Variants in ZSWIM6 observed in about 807,000 individuals in gnomAD.
The protein encoded by ZSWIM6 is zinc finger SWIM-type containing 6.
In ZSWIM6, 9 loss-of-function variants were observed where a neutral mutation model predicts 113.2. The ratio of observed to expected loss-of-function variants is 0.08; its 90% CI spans 0.05 to 0.14. The LOEUF (loss-of-function observed/expected upper bound fraction) is 0.14. ZSWIM6 is among the 10% of genes least tolerant of loss of function. The pLI is 1.00. For synonymous variants in ZSWIM6, 611 were observed against 606.5 expected, an observed-to-expected ratio of 1.01 and a Z score of -0.11; for missense variants, 1,162 against 1,552.2, an observed-to-expected ratio of 0.75 and a Z score of 4.22.
chr5:61,333,120 C>T (rs1469589722), intron 1 of ZSWIM6, among the ~76,000 whole-genome samples, 172 bp downstream of exon 1: 1 of 151,758 alleles, frequency 6.6e-6, no homozygotes, highest in Non-Finnish European at 1.5e-5. Flanking sequence ...TTTCCTCCCT[C>T]CCTTCCCTGC....
At chr5:61,527,566 A>G (rs889560003) in intron 7 of ZSWIM6, among the ~76,000 whole-genome samples, 4 of 152,202 alleles carry the variant, frequency 2.6e-5, no homozygotes, top group African/African-American at 9.6e-5. Flanking sequence ...CCAGTTCATG[A>G]TGTTCTTCAT....
intron 3 of ZSWIM6, among the ~76,000 whole-genome samples, chr5:61,491,163 A>G (rs138359715): frequency 6.6e-6 from 1 of 152,148 alleles, no homozygotes; most frequent in African/African-American, 2.4e-5. Flanking sequence ...TAAAATGGTG[A>G]TAATTTATAC....
chr5:61,433,633 C>T (rs563046073), intron 1 of ZSWIM6, among the ~76,000 whole-genome samples: 80 of 152,064 alleles, frequency 5.3e-4, no homozygotes, highest in African/African-American at 1.1e-3. Context: ...CCACCATGCC[C>T]GGCTAATTTT....
At chr5:61,344,650 C>T (rs1201033921) in intron 1 of ZSWIM6, among the ~76,000 whole-genome samples, 1 of 152,136 alleles carries the variant, frequency 6.6e-6, no homozygotes, top group East Asian at 1.9e-4. Flanking sequence ...CTCCAGTTGT[C>T]CCCCTCTTCC....
chr5:61,334,088 C>T (rs1045456296), intron 1 of ZSWIM6, among the ~76,000 whole-genome samples: 3 of 152,204 alleles, frequency 2.0e-5, no homozygotes, highest in Admixed American at 2.0e-4. Context: ...CTTTTCAGGG[C>T]TTGTAAAGTA....
chr5:61,333,082 C>T (rs1744301681), intron 1 of ZSWIM6, 134 bp downstream of exon 1: 1 of 960,064 alleles, frequency 1.0e-6, no homozygotes, highest in South Asian at 4.7e-5. Context: ...CTCACTGGCC[C>T]GGACGGTCCT....
intron 4 of ZSWIM6, among the ~76,000 whole-genome samples, chr5:61,519,165 C>A (rs995607231): frequency 2.0e-5 from 3 of 152,030 alleles, no homozygotes; most frequent in Admixed American, 6.6e-5. Flanking sequence ...AAATTGTTTC[C>A]CCTCCATTGG....
intron 1 of ZSWIM6, among the ~76,000 whole-genome samples, chr5:61,368,579 G>A (rs1745206007): frequency 6.6e-6 from 1 of 152,120 alleles, no homozygotes; most frequent in Admixed American, 6.5e-5. Flanking sequence ...ATAACGTTTG[G>A]GCTTTGGCTC....
intron 1 of ZSWIM6, among the ~76,000 whole-genome samples, chr5:61,348,006 G>A (rs1163060375): frequency 6.6e-6 from 1 of 152,084 alleles, no homozygotes; most frequent in Non-Finnish European, 1.5e-5. Flanking sequence ...TGGATCACGA[G>A]GTTAGGAGAT....
In ZSWIM6 at chr5:61,541,980, G is replaced by T; in HGVS notation, c.2785+15G>T. On this transcript the variant is annotated intron_variant, in intron 13 of 13. Transcript: ENST00000252744. ...TACTGAAGTCGGTAGGTAAACTCTG[G>T]AACAGAAGCTTTCCTAGGTGCCTCA... is the stretch of plus-strand genomic sequence containing the variant. The T allele has an allele frequency of 6.5e-7, 1 of 1,547,362 alleles. No individual in the cohort carries two copies. Among genetic ancestry groups the T allele is most frequent in the Non-Finnish European group, 8.7e-7 (1 of 1,143,332 alleles).
intron 7 of ZSWIM6, among the ~76,000 whole-genome samples, chr5:61,527,343 G>T (rs13179617): frequency 0.37 from 56,809 of 151,842 alleles, 10,773 homozygotes; most frequent in South Asian, 0.43. Context: ...TTTTTGTTTT[G>T]GTTTTGGTTT....
At chr5:61,339,645 C>T (rs574412026) in intron 1 of ZSWIM6, among the ~76,000 whole-genome samples, 3 of 151,990 alleles carry the variant, frequency 2.0e-5, no homozygotes, top group Admixed American at 1.3e-4. Flanking sequence ...GCACAAATAT[C>T]CTAAAAATGA....
At chr5:61,375,579 T>C (rs1745356479) in intron 1 of ZSWIM6, 1 of 1,530,660 alleles carries the variant, frequency 6.5e-7, no homozygotes, top group African/African-American at 1.4e-5. Context: ...ACAGTAAGGA[T>C]AGTTTAAAAA....
intron 1 of ZSWIM6, among the ~76,000 whole-genome samples, chr5:61,342,214 A>C (rs1455115752): frequency 6.6e-6 from 1 of 152,106 alleles, no homozygotes; most frequent in African/African-American, 2.4e-5. Flanking sequence ...GCAGTTCTTC[A>C]CTGAACCAGC....
intron 9 of ZSWIM6, among the ~76,000 whole-genome samples, chr5:61,535,108 ATCTGTGC>A (rs1749541720): frequency 6.6e-6 from 1 of 152,128 alleles, no homozygotes; most frequent in African/African-American, 2.4e-5. Flanking sequence ...CTGTGGTGTC[ATCTGTGC>A]ATTTACAAAT....
At chr5:61,507,249 C>A (rs1380485262) in intron 4 of ZSWIM6, among the ~76,000 whole-genome samples, 1 of 152,124 alleles carries the variant, frequency 6.6e-6, no homozygotes, top group East Asian at 1.9e-4. Context: ...TTAATCAATT[C>A]ATTGTTCAAA....
chr5:61,444,203 T>G (rs1746898627), intron 1 of ZSWIM6, among the ~76,000 whole-genome samples: 1 of 149,648 alleles, frequency 6.7e-6, no homozygotes, highest in South Asian at 2.1e-4. Flanking sequence ...CAGTGTTTGG[T>G]TTTTTGTCCC....
intron 1 of ZSWIM6, among the ~76,000 whole-genome samples, chr5:61,340,078 CCT>C (rs1211234291): frequency 6.6e-6 from 1 of 152,098 alleles, no homozygotes. Flanking sequence ...CTTTCAGTGC[CCT>C]GTGTTCCTCT....
intron 4 of ZSWIM6, among the ~76,000 whole-genome samples, chr5:61,516,772 A>G (rs1479105879): frequency 6.6e-6 from 1 of 151,776 alleles, no homozygotes. Context: ...TGAACTTCCA[A>G]GTTTCCTTCT....
Sources: gnomAD v4.1 joint callset for allele counts (sites outside exome capture counted in the v4.1 genomes callset) on GRCh38, gnomAD v4.1.1 for gene constraint, MANE v1.5 for transcripts, NCBI Gene and HGNC (gene_info 2026-07-23, HGNC 2026-07-21) for gene names.